CDH13: variants seen among roughly 807,000 people sequenced by gnomAD.
CDH13 encodes the protein cadherin-13.
In CDH13, 24 loss-of-function variants were observed where a neutral mutation model predicts 63.8. That is an observed-to-expected ratio of 0.38 (90% CI 0.27 to 0.53). The LOEUF (loss-of-function observed/expected upper bound fraction) is 0.53, where lower values mean the gene tolerates loss of function less well. Among genes scored for constraint, CDH13 ranks in the 20% least tolerant of loss-of-function variants. The pLI is 0.85. For missense variants in CDH13, 1,049 were observed against 903.1 expected (o/e 1.16, Z -2.07); for synonymous variants, 503 against 355.3 (o/e 1.42, Z -4.67).
intron 3 of CDH13, among the ~76,000 whole-genome samples, chr16:83,113,906 C>T (rs994319661): frequency 2.6e-5 from 4 of 152,112 alleles, no homozygotes; most frequent in African/African-American, 9.7e-5. Flanking sequence ...CTTAGGAAAC[C>T]CAGAGGCTTC....
intron 5 of CDH13, among the ~76,000 whole-genome samples, chr16:83,262,508 G>A (rs369812815): frequency 3.5e-4 from 54 of 152,230 alleles, no homozygotes; most frequent in African/African-American, 1.2e-3. Context: ...TAATTATACC[G>A]TGAGCCATTG....
At chr16:82,947,004 C>CTGTGTGTGTGTGTGTGTG (rs3223223) in intron 2 of CDH13, among the ~76,000 whole-genome samples, 9 of 134,920 alleles carry the variant, frequency 6.7e-5, no homozygotes, top group South Asian at 2.6e-4. Flanking sequence ...GTGCGCACGC[C>CTGTGTGTGTGTGTGTGTG]TGTGTGTGTG....
intron 2 of CDH13, among the ~76,000 whole-genome samples, chr16:83,030,850 C>G (rs2151471388): frequency 6.6e-6 from 1 of 152,000 alleles, no homozygotes; most frequent in Middle Eastern, 3.4e-3. Context: ...TTCCACCCTT[C>G]CCTTCTAGAT....
At chr16:83,008,404 C>T (rs772374261) in intron 2 of CDH13, among the ~76,000 whole-genome samples, 1 of 152,154 alleles carries the variant, frequency 6.6e-6, no homozygotes, top group East Asian at 1.9e-4. Flanking sequence ...GAAAGTACAG[C>T]AGATGCAAAG....
chr16:83,238,107 C>CT (rs56074055), intron 5 of CDH13, among the ~76,000 whole-genome samples: 150,799 of 152,240 alleles, frequency 0.99, 74,707 homozygotes, highest in Middle Eastern at 1. Flanking sequence ...AGGAGTGGAT[C>CT]CCTTTTTCCT....
intron 1 of CDH13, among the ~76,000 whole-genome samples, chr16:82,656,771 C>T (rs1215669945): frequency 6.6e-6 from 1 of 152,182 alleles, no homozygotes; most frequent in East Asian, 1.9e-4. Context: ...TGGCAATCCA[C>T]CGATCTTTCT....
chr16:83,538,232 T>C (rs1264008866), intron 7 of CDH13, among the ~76,000 whole-genome samples: 2 of 152,196 alleles, frequency 1.3e-5, no homozygotes, highest in Non-Finnish European at 2.9e-5. Context: ...GTTGCTTGGA[T>C]TGTGCACAAA....
chr16:83,133,586 C>T (rs2036150407), intron 4 of CDH13, among the ~76,000 whole-genome samples: 1 of 152,120 alleles, frequency 6.6e-6, no homozygotes, highest in Non-Finnish European at 1.5e-5. Context: ...GCAACCTCTG[C>T]CTCCGGGGTT....
At chr16:83,182,263 G>T (rs1471352973) in intron 4 of CDH13, among the ~76,000 whole-genome samples, 1 of 152,152 alleles carries the variant, frequency 6.6e-6, no homozygotes, top group Non-Finnish European at 1.5e-5. Context: ...TTTCGCTAAA[G>T]ACTGACAAAG....
chr16:83,004,147 A>T (rs1913228886), intron 2 of CDH13, among the ~76,000 whole-genome samples: 2 of 152,172 alleles, frequency 1.3e-5, no homozygotes, highest in East Asian at 3.9e-4. Flanking sequence ...ACCAGCAGAA[A>T]CCTACAGCCC....
At chr16:82,662,234 G>GC (rs1231228518) in intron 1 of CDH13, among the ~76,000 whole-genome samples, 7,254 of 152,250 alleles carry the variant, frequency 0.048, 187 homozygotes, top group Non-Finnish European at 0.063. Flanking sequence ...TTAAAAAACA[G>GC]ATGCAACACA....
At chr16:83,624,014 T>A (rs1198571239) in intron 8 of CDH13, among the ~76,000 whole-genome samples, 1 of 152,156 alleles carries the variant, frequency 6.6e-6, no homozygotes, top group Non-Finnish European at 1.5e-5. Flanking sequence ...TTGGTACTCA[T>A]CACTGGGGGA....
intron 6 of CDH13, among the ~76,000 whole-genome samples, chr16:83,428,867 C>T (rs573896929): frequency 2.0e-5 from 3 of 152,202 alleles, no homozygotes; most frequent in Non-Finnish European, 4.4e-5. Flanking sequence ...CATTCAGGCA[C>T]TATTCTTGGT....
chr16:82,664,428 C>G (rs1912345967), intron 1 of CDH13, among the ~76,000 whole-genome samples: 1 of 152,212 alleles, frequency 6.6e-6, no homozygotes, highest in African/African-American at 2.4e-5. Context: ...CAGCTCTGAA[C>G]ACAGCAGTGG....
intron 7 of CDH13, among the ~76,000 whole-genome samples, chr16:83,567,864 G>A (rs950108204): frequency 7.9e-5 from 12 of 152,144 alleles, no homozygotes; most frequent in Non-Finnish European, 1.5e-4. Flanking sequence ...CAAAGTGCTG[G>A]GATTACAGGC....
intron 6 of CDH13, chr16:83,397,276 C>G (rs2091902098): frequency 6.6e-6 from 1 of 152,162 alleles, no homozygotes; most frequent in African/African-American, 2.4e-5. Context: ...CCACCACCAC[C>G]ATTATACTGA....
chr16:82,847,638 C>T (rs1438734761), intron 1 of CDH13, among the ~76,000 whole-genome samples: 2 of 152,190 alleles, frequency 1.3e-5, no homozygotes, highest in African/African-American at 2.4e-5. Flanking sequence ...TACCCTTTGC[C>T]ATGTAATCTA....
intron 11 of CDH13, among the ~76,000 whole-genome samples, chr16:83,766,584 C>T (rs1043905905): frequency 9.2e-5 from 14 of 152,194 alleles, no homozygotes; most frequent in Non-Finnish European, 1.8e-4. Context: ...TGCTGCATGC[C>T]TCTGGGCCTA....
intron 6 of CDH13, among the ~76,000 whole-genome samples, chr16:83,445,750 C>A (rs2072668364): frequency 6.6e-6 from 1 of 152,100 alleles, no homozygotes; most frequent in South Asian, 2.1e-4. Context: ...GTTAGAAGAT[C>A]TGATAAGCAT....
Sources: allele counts gnomAD v4.1 joint callset (sites outside exome capture counted in the v4.1 genomes callset), GRCh38; gene constraint gnomAD v4.1.1; transcripts MANE v1.5; gene names NCBI Gene and HGNC (gene_info 2026-07-23, HGNC 2026-07-21).